Variants in TIAM2 observed in about 807,000 individuals in gnomAD.
TIAM2 encodes rho guanine nucleotide exchange factor TIAM2.
Under a neutral mutation model 152.9 loss-of-function variants are expected in TIAM2, and 80 were observed. The ratio of observed to expected loss-of-function variants is 0.52; its 90% CI spans 0.44 to 0.63. The LOEUF (loss-of-function observed/expected upper bound fraction) is 0.63. TIAM2 is among the 30% of genes least tolerant of loss of function. The probability of loss-of-function intolerance (pLI) is 0.00; values close to 1 mark genes in which losing one functional copy is unlikely to be tolerated. For missense variants in TIAM2, 1,965 were observed against 2,120.1 expected, an observed-to-expected ratio of 0.93 and a Z score of 1.44; for synonymous variants, 804 against 838.0, an observed-to-expected ratio of 0.96 and a Z score of 0.70.
chr6:155,196,573 A>G (rs1464969223), intron 14 of TIAM2, among the ~76,000 whole-genome samples: 4 of 152,210 alleles, frequency 2.6e-5, no homozygotes, highest in South Asian at 2.1e-4. Flanking sequence ...TGAATTTACA[A>G]TGAAAACGTT....
At chr6:155,094,477 T>C (rs1365573993) in intron 2 of TIAM2, among the ~76,000 whole-genome samples, 2 of 151,776 alleles carry the variant, frequency 1.3e-5, no homozygotes, top group East Asian at 3.9e-4. Context: ...CTTGTAGAAG[T>C]CTAACTTGCA....
In TIAM2 at chr6:155,137,450, C is replaced by G. The variant is rs759736645; in HGVS notation, c.1468C>G (p.Leu490Val). 4.3e-6 allele frequency: 7 copies of G among 1,614,248 alleles called. No homozygotes were observed. In the Admixed American group the frequency reaches 6.7e-5, roughly 15 times the overall value. The change falls in exon 5 of 27, where the codon CTC becomes GTC. Residue 490 changes from leucine to valine, a missense_variant. Physicochemically the swap from Leu to Val is conservative, Grantham distance 32. Around this residue, in one of 3 missense-constraint regions of TIAM2, gnomAD observed 1,025 missense variants for 1,119.4 expected, o/e 0.92. Transcript: ENST00000682666. ...AACCGCCGAGTCCAGCAGCGAGTCA[C>G]TCAGCTCTCTGGAACAGCTGGATCT... is the stretch of plus-strand genomic sequence containing the variant. Reference protein sequence around the residue: ...TETAESSSESLSSLEQLDLLF... With the variant: ...TETAESSSESVSSLEQLDLLF...
At chr6:155,236,276 G>A (rs1303713103) in intron 15 of TIAM2, among the ~76,000 whole-genome samples, 1 of 151,858 alleles carries the variant, frequency 6.6e-6, no homozygotes, top group African/African-American at 2.4e-5. Context: ...ACCACTCCCA[G>A]AAATCCAAGC....
At chr6:155,080,099 C>A (rs1778031100) in intron 1 of TIAM2, among the ~76,000 whole-genome samples, 1 of 152,214 alleles carries the variant, frequency 6.6e-6, no homozygotes, top group Non-Finnish European at 1.5e-5. Context: ...TGATGAATCA[C>A]AACCCAAAGT....
At chr6:155,054,582 GTTTTGTTTT>G (rs982085597) in intron 1 of TIAM2, among the ~76,000 whole-genome samples, 25 of 49,544 alleles carry the variant, frequency 5.0e-4, no homozygotes, top group African/African-American at 3.4e-3. Flanking sequence ...GTTTTGTTTT[GTTTTGTTTT>G]TTTTTTTTGA....
chr6:155,040,594 C>T (rs1223560174), intron 1 of TIAM2, among the ~76,000 whole-genome samples: 1 of 152,184 alleles, frequency 6.6e-6, no homozygotes, highest in Non-Finnish European at 1.5e-5. Flanking sequence ...TCTCGGCTCA[C>T]TGCAACCTCT....
chr6:155,148,125 G>C lies in TIAM2; in HGVS notation c.1819G>C (p.Asp607His). The change falls in exon 7 of 27, where the codon GAT becomes CAT. Residue 607 changes from aspartate (D) to histidine (H), a missense_variant. By Grantham distance (81) the Asp-to-His change is moderately conservative (BLOSUM62 -1). Coordinates refer to ENST00000682666, the MANE Select transcript of TIAM2 (RefSeq NM_012454.4). ...VYLFQATSQT[D>H]LENWVTAVHS... The stretch of plus-strand genomic sequence containing the variant: ...CTGTGTGTAGGCCACCAGCCAGACA[G>C]ATCTAGAAAACTGGGTCACTGCTGT... 6.2e-7 allele frequency: 1 copy of C among 1,613,948 alleles called. No homozygotes were observed. Among genetic ancestry groups the C allele is most frequent in the Non-Finnish European group, 8.5e-7 (1 of 1,180,040 alleles).
At chr6:155,115,659 G>C (rs915992278) in intron 2 of TIAM2, among the ~76,000 whole-genome samples, 7 of 152,002 alleles carry the variant, frequency 4.6e-5, no homozygotes, top group Non-Finnish European at 1.0e-4. Flanking sequence ...GCAATAAGTT[G>C]ATCAATCAAT....
intron 1 of TIAM2, among the ~76,000 whole-genome samples, chr6:155,051,491 G>T (rs60929135): frequency 0.012 from 1,884 of 152,250 alleles, 40 homozygotes; most frequent in African/African-American, 0.042. Flanking sequence ...TTGCCCAAGG[G>T]TAAAAATGCA....
intron 7 of TIAM2, among the ~76,000 whole-genome samples, chr6:155,159,894 GTAAAGA>G (rs1780223238): frequency 6.6e-6 from 1 of 152,194 alleles, no homozygotes. Flanking sequence ...AGATACGTGA[GTAAAGA>G]TGGCTTACTC....
At chr6:155,242,495 T>A (rs1783091547) in intron 16 of TIAM2, among the ~76,000 whole-genome samples, 1 of 152,194 alleles carries the variant, frequency 6.6e-6, no homozygotes, top group East Asian at 1.9e-4. Flanking sequence ...GAGGTTTTTA[T>A]GGTGAAAGCA....
At chr6:155,020,791 A>T (rs2114864623) in intron 1 of TIAM2, among the ~76,000 whole-genome samples, 1 of 152,150 alleles carries the variant, frequency 6.6e-6, no homozygotes. Flanking sequence ...TATATAGTTG[A>T]GTACATTCAC....
intron 9 of TIAM2, among the ~76,000 whole-genome samples, chr6:155,175,897 A>G (rs1562342629): frequency 6.6e-6 from 1 of 152,238 alleles, no homozygotes; most frequent in Non-Finnish European, 1.5e-5. Flanking sequence ...TCTATGTGTG[A>G]GATAGCTGAA....
At chr6:155,170,084 C>G (rs953177712) in intron 9 of TIAM2, among the ~76,000 whole-genome samples, 1 of 152,064 alleles carries the variant, frequency 6.6e-6, no homozygotes, top group African/African-American at 2.4e-5. Context: ...CCCAAAGTGC[C>G]GAGATTACAG....
chr6:155,164,664 T>G, intron 8 of TIAM2, 64 bp downstream of exon 8: 6 of 1,541,152 alleles, frequency 3.9e-6, no homozygotes, highest in Non-Finnish European at 5.3e-6. Flanking sequence ...TCCCCCTTTC[T>G]TCAGCTTGTT....
At chr6:155,027,904 T>A (rs535158052) in intron 1 of TIAM2, among the ~76,000 whole-genome samples, 2 of 100,298 alleles carry the variant, frequency 2.0e-5, no homozygotes, top group Non-Finnish European at 1.8e-5. Context: ...ATATACTATA[T>A]AATATGTACT....
chr6:155,250,429 C>A, intron 21 of TIAM2: 1 of 814,208 alleles, frequency 1.2e-6, no homozygotes, highest in Non-Finnish European at 1.9e-6. Flanking sequence ...GCTTCTCAAG[C>A]CAGCATGCAG....
In TIAM2 at chr6:155,169,923, G is replaced by A. The variant is rs557597676; in HGVS notation, c.2361+4514G>A. 2.0e-3 allele frequency among the ~76,000 whole-genome samples: 297 copies of A among 152,060 alleles called. 1 individual carries two copies. Among genetic ancestry groups the A allele is most frequent in the African/African-American group, 6.8e-3 (284 of 41,478 alleles). Reference sequence around the variant, plus strand: ...AACCTCTGCCTCCCAGGTTGAAGCAGTTCTTCTGCCTCAGCCTCCTGAGTA... The same window carrying A: ...AACCTCTGCCTCCCAGGTTGAAGCAATTCTTCTGCCTCAGCCTCCTGAGTA... On this transcript the variant is annotated intron_variant, in intron 9 of 26. Coordinates refer to ENST00000682666, the MANE Select transcript of TIAM2 (RefSeq NM_012454.4).
intron 14 of TIAM2, among the ~76,000 whole-genome samples, chr6:155,205,240 C>T (rs1380278038): frequency 1.8e-5 from 2 of 113,388 alleles, no homozygotes; most frequent in Non-Finnish European, 3.6e-5. Flanking sequence ...TACCTTTGTA[C>T]CTAAGAAGAG....
Sources: gnomAD v4.1 joint callset for allele counts (sites outside exome capture counted in the v4.1 genomes callset) on GRCh38, gnomAD v4.1.1 for gene constraint, gnomAD v4.1.1 regional missense constraint, MANE v1.5 for transcripts, NCBI Gene and HGNC (gene_info 2026-07-23, HGNC 2026-07-21) for gene names.